The following ST6GALNAC3 variants were observed in gnomAD, a reference collection of about 807,000 sequenced individuals.
ST6GALNAC3 encodes the protein ST6 N-acetylgalactosaminide alpha-2,6-sialyltransferase 3, also known as alpha-N-acetylgalactosaminide alpha-2,6-sialyltransferase 3.
Under a neutral mutation model 32.7 loss-of-function variants are expected in ST6GALNAC3, and 25 were observed. The ratio of observed to expected loss-of-function variants is 0.76; its 90% CI spans 0.56 to 1.07. The LOEUF (loss-of-function observed/expected upper bound fraction) is 1.07, where lower values mean the gene tolerates loss of function less well. Ranked by LOEUF, ST6GALNAC3 falls within the 50% of genes least tolerant of loss-of-function variation. The probability of loss-of-function intolerance (pLI) is 0.00; values close to 1 mark genes in which losing one functional copy is unlikely to be tolerated. For missense variants in ST6GALNAC3, 355 were observed against 382.4 expected, an observed-to-expected ratio of 0.93 and a Z score of 0.60; for synonymous variants, 129 against 133.1, an observed-to-expected ratio of 0.97 and a Z score of 0.21.
chr1:76,618,139 G>A (rs1207906949), intron 3 of ST6GALNAC3, among the ~76,000 whole-genome samples: 1 of 152,084 alleles, frequency 6.6e-6, no homozygotes, highest in Non-Finnish European at 1.5e-5. Flanking sequence ...AAGACCCTAC[G>A]CCTACCTAGA....
intron 1 of ST6GALNAC3, among the ~76,000 whole-genome samples, chr1:76,203,083 T>C (rs572520173): frequency 2.0e-5 from 3 of 152,300 alleles, no homozygotes; most frequent in South Asian, 2.1e-4. Flanking sequence ...AAGTCAATTA[T>C]GTACAAGTTC....
intron 1 of ST6GALNAC3, among the ~76,000 whole-genome samples, chr1:76,190,131 A>G (rs1257583690): frequency 6.6e-6 from 1 of 152,136 alleles, no homozygotes; most frequent in Non-Finnish European, 1.5e-5. Context: ...TGTGACACTC[A>G]TGACATTTCA....
chr1:76,321,502 C>A (rs556947682), intron 2 of ST6GALNAC3, among the ~76,000 whole-genome samples: 22 of 152,196 alleles, frequency 1.4e-4, no homozygotes, highest in Admixed American at 1.3e-3. Flanking sequence ...CCAAAAAAGT[C>A]CTAGCTGATA....
At chr1:76,428,272 C>G (rs1308877547) in intron 3 of ST6GALNAC3, among the ~76,000 whole-genome samples, 1 of 151,996 alleles carries the variant, frequency 6.6e-6, no homozygotes, top group Non-Finnish European at 1.5e-5. Context: ...GGATTTTAAT[C>G]TAATTCTCTG....
chr1:76,147,510 A>G (rs929831863), intron 1 of ST6GALNAC3, among the ~76,000 whole-genome samples: 5 of 152,180 alleles, frequency 3.3e-5, no homozygotes, highest in African/African-American at 1.2e-4. Flanking sequence ...CCCCTTCCCC[A>G]GCATTTAACA....
chr1:76,258,864 AC>A (rs1468574298), intron 1 of ST6GALNAC3, among the ~76,000 whole-genome samples: 4 of 152,194 alleles, frequency 2.6e-5, no homozygotes, highest in African/African-American at 9.6e-5. Context: ...TACATGGCAG[AC>A]CTAAAAAAAT....
chr1:76,595,659 G>C (rs757946081), intron 3 of ST6GALNAC3, among the ~76,000 whole-genome samples: 2 of 148,080 alleles, frequency 1.4e-5, no homozygotes, highest in African/African-American at 5.0e-5. Flanking sequence ...TCAATGCACT[G>C]TCAATAACTA....
Position 76,482,869 on chromosome 1 carries a change from T to TC in ST6GALNAC3, c.623+70458dup, listed in dbSNP as rs1246231584. ...TAGTTATATCTCCTAATGCTATCCCTCCCCCCTCCCCCCACCCCACCAGAG... is the reference window on the plus strand; with the variant it reads ...TAGTTATATCTCCTAATGCTATCCCTCCCCCCCTCCCCCCACCCCACCAGAG... On this transcript the variant is annotated intron_variant, in intron 3 of 4. Transcript: ENST00000328299. Among the ~76,000 whole-genome samples the TC allele has an allele frequency of 5.2e-5, 6 of 114,840 alleles. No individual in the cohort carries two copies. The East Asian group carries it at 1.5e-3, about 29-fold the overall frequency. The allele number at this position is 114,840 out of a possible 152,430, so 75.3% of individuals were successfully genotyped here.
chr1:76,553,763 G>A (rs773818471), intron 3 of ST6GALNAC3, among the ~76,000 whole-genome samples: 2 of 151,996 alleles, frequency 1.3e-5, no homozygotes, highest in Non-Finnish European at 2.9e-5. Context: ...GCAAAGAAAC[G>A]ATGTTCTGCT....
Position 76,357,359 on chromosome 1 carries a change from C to T in ST6GALNAC3, c.213+43360C>T, listed in dbSNP as rs539523024. Among the ~76,000 whole-genome samples the T allele has an allele frequency of 9.9e-5, 15 of 152,214 alleles. No individual in the cohort carries two copies. The East Asian group carries it at 2.1e-3, about 22-fold the overall frequency. On this transcript the variant is annotated intron_variant, in intron 2 of 4. Transcript: ENST00000328299. ...CCGTGTTGGCCAGGCTGGTCTCAAA[C>T]TCCTGACCCCAGGTGATCAACCCGC...
At chr1:76,276,199 A>G (rs1407542661) in intron 1 of ST6GALNAC3, among the ~76,000 whole-genome samples, 1 of 151,324 alleles carries the variant, frequency 6.6e-6, no homozygotes, top group East Asian at 1.9e-4. Context: ...TACTATATAT[A>G]TATATAACAT....
chr1:76,222,791 A>C (rs759572759), intron 1 of ST6GALNAC3, among the ~76,000 whole-genome samples: 10 of 152,188 alleles, frequency 6.6e-5, no homozygotes, highest in African/African-American at 2.4e-4. Flanking sequence ...CTGACAAGGG[A>C]TATGAAAAAA....
At chr1:76,506,792 C>G (rs184503631) in intron 3 of ST6GALNAC3, among the ~76,000 whole-genome samples, 1 of 152,244 alleles carries the variant, frequency 6.6e-6, no homozygotes, top group East Asian at 1.9e-4. Context: ...AATCATGTCA[C>G]AAAGGCAATC....
intron 1 of ST6GALNAC3, among the ~76,000 whole-genome samples, chr1:76,252,458 T>C (rs1657675259): frequency 6.6e-6 from 1 of 152,192 alleles, no homozygotes; most frequent in East Asian, 1.9e-4. Flanking sequence ...ATGTTTACGT[T>C]TAAAAAAGTG....
intron 1 of ST6GALNAC3, among the ~76,000 whole-genome samples, chr1:76,236,065 T>C (rs906294352): frequency 1.3e-5 from 2 of 151,948 alleles, no homozygotes; most frequent in African/African-American, 4.8e-5. Flanking sequence ...AACCTCTGCC[T>C]CCCAGGCTGA....
intron 1 of ST6GALNAC3, among the ~76,000 whole-genome samples, chr1:76,101,007 C>G (rs1647211878): frequency 1.3e-5 from 2 of 151,940 alleles, no homozygotes; most frequent in Admixed American, 1.3e-4. Context: ...ATTGATGATC[C>G]TAAATTGACA....
rs563790348 is a variant in ST6GALNAC3 at position 76,299,290 on chromosome 1, C to G, written c.19-14515C>G. Among the ~76,000 whole-genome samples, 38 of 152,104 alleles carry G rather than the reference C, an allele frequency of 2.5e-4. No homozygotes were observed. In the South Asian group the frequency reaches 3.5e-3, roughly 14 times the overall value. ...GTTAAAGCAGATGAACTGGGAAGCT[C>G]TTGATCAGGCATACGAAATACCCAG... On this transcript the variant is annotated intron_variant, in intron 1 of 4. Transcript: ENST00000328299.
intron 1 of ST6GALNAC3, among the ~76,000 whole-genome samples, chr1:76,172,176 G>C (rs1427646307): frequency 6.6e-6 from 1 of 152,024 alleles, no homozygotes; most frequent in Non-Finnish European, 1.5e-5. Context: ...ATGCAAGGCT[G>C]GTTGAACATA....
At chr1:76,600,647 G>C (rs1023120223) in intron 3 of ST6GALNAC3, among the ~76,000 whole-genome samples, 3 of 152,156 alleles carry the variant, frequency 2.0e-5, no homozygotes, top group South Asian at 2.1e-4. Flanking sequence ...AGAGTGCATT[G>C]TGCTATGTCT....
Sources: gnomAD v4.1 joint callset for allele counts (sites outside exome capture counted in the v4.1 genomes callset) on GRCh38, gnomAD v4.1.1 for gene constraint, MANE v1.5 for transcripts, NCBI Gene and HGNC (gene_info 2026-07-23, HGNC 2026-07-21) for gene names.